Variants in USP24 observed in about 807,000 individuals in gnomAD.
USP24 encodes the protein ubiquitin carboxyl-terminal hydrolase 24.
Under a neutral mutation model 361.6 loss-of-function variants are expected in USP24, and 97 were observed. The observed-to-expected ratio is 0.27, with a 90% confidence interval of 0.23 to 0.32. USP24 has a LOEUF of 0.32. Among genes scored for constraint, USP24 ranks in the 10% least tolerant of loss-of-function variants. USP24 has a pLI of 1.00. For synonymous variants in USP24, 1,098 were observed against 1,124.6 expected (o/e 0.98, Z 0.47); for missense variants, 2,353 against 3,165.6 (o/e 0.74, Z 6.16).
Position 55,199,056 on chromosome 1 carries a change from G to A in USP24, c.324+15734C>T, listed in dbSNP as rs117243690. On this transcript the variant is annotated intron_variant, in intron 1 of 67. Transcript: ENST00000294383. ...TGTAATCCTGGCACTTTGAGAGGCC[G>A]AAGCGGGCAGATCACTTGAGGCCAG... Among the ~76,000 whole-genome samples the A allele has an allele frequency of 3.6e-3, 544 of 152,172 alleles. 21 individuals are homozygous for A. The East Asian group carries it at 0.09, about 25-fold the overall frequency.
intron 1 of USP24, among the ~76,000 whole-genome samples, chr1:55,184,689 A>G (rs1644077748): frequency 2.0e-5 from 3 of 152,214 alleles, no homozygotes; most frequent in Admixed American, 2.0e-4. Context: ...TAGGTTGTAA[A>G]ACAGGCCTCA....
rs1274107755 is a variant in USP24 at position 55,137,771 on chromosome 1, T to C, written c.3027+35A>G. ...CAGGCTAAATATTTATATTATATCATTTATTATTCATCAAAACTGCTTATT... is the reference window on the plus strand; with the variant it reads ...CAGGCTAAATATTTATATTATATCACTTATTATTCATCAAAACTGCTTATT... On this transcript the variant is annotated intron_variant, in intron 27 of 67. Coordinates refer to ENST00000294383, the MANE Select transcript of USP24 (RefSeq NM_015306.3). The C allele has an allele frequency of 2.6e-6, 4 of 1,546,236 alleles. No homozygotes were observed. In the East Asian group the frequency reaches 9.7e-5, roughly 38 times the overall value.
intron 1 of USP24, among the ~76,000 whole-genome samples, chr1:55,182,554 T>G (rs1644006540): frequency 6.6e-6 from 1 of 152,062 alleles, no homozygotes; most frequent in African/African-American, 2.4e-5. Flanking sequence ...AATCGTCAAA[T>G]GTACCTAGCA....
intron 51 of USP24, 102 bp downstream of exon 51, chr1:55,095,153 C>G: frequency 7.7e-7 from 1 of 1,296,244 alleles, no homozygotes; most frequent in South Asian, 2.1e-5. Flanking sequence ...GAATTTCTCT[C>G]CAGCTTAGCT....
At chr1:55,104,379 G>A (rs1322450619) in intron 41 of USP24, among the ~76,000 whole-genome samples, 2 of 152,072 alleles carry the variant, frequency 1.3e-5, no homozygotes, top group African/African-American at 4.8e-5. Context: ...TTTTATCGCT[G>A]TCATCCTAAG....
chr1:55,115,331 C>T (rs1646076799), intron 38 of USP24, among the ~76,000 whole-genome samples: 1 of 151,472 alleles, frequency 6.6e-6, no homozygotes, highest in African/African-American at 2.4e-5. Flanking sequence ...CCCGTCTCTA[C>T]TAAAAATACA....
At chr1:55,132,512 C>A in intron 31 of USP24, 33 bp downstream of exon 31, 1 of 1,589,418 alleles carries the variant, frequency 6.3e-7, no homozygotes, top group South Asian at 1.2e-5. Flanking sequence ...ATAGACCTGT[C>A]AAAATGAAAT....
rs372190893 is a variant in USP24 at position 55,186,652 on chromosome 1, T to C, written c.325-8520A>G. Among the ~76,000 whole-genome samples, 9 of 152,318 alleles carry C rather than the reference T, an allele frequency of 5.9e-5. No homozygotes were observed. In the South Asian group the frequency reaches 1.9e-3, roughly 32 times the overall value. On this transcript the variant is annotated intron_variant, in intron 1 of 67. Coordinates refer to ENST00000294383, the MANE Select transcript of USP24 (RefSeq NM_015306.3). ...CTTGAAGATATTATGCCAAGTGAAA[T>C]AAGCCAATCACAGAAAAACAAATAT...
Position 55,157,005 on chromosome 1 carries a change from A to C in USP24, c.1389T>G (p.Ile463Met), listed in dbSNP as rs1647740101. The C allele has an allele frequency of 1.2e-6, 2 of 1,613,130 alleles. No homozygotes were observed. The highest frequency in any genetic ancestry group is 2.7e-5 in the African/African-American group (2 of 74,908). The stretch of plus-strand genomic sequence containing the variant: ...ACGACAATTTACTACCCAAGAGTTC[A>C]ATAATTCCCTTTATACGGTCACAGT... ...AQYCDRIKGI[I>M]ELLGSKLSLD... Residue 463 changes from isoleucine (I) to methionine (M), a missense_variant, in exon 12 of 68, where the codon ATT becomes ATG. Physicochemically the swap from Ile to Met is conservative, Grantham distance 10. This residue lies in a region of USP24 where 386 missense variants were observed against 560.5 expected (regional missense o/e 0.69). Coordinates refer to ENST00000294383, the MANE Select transcript of USP24 (RefSeq NM_015306.3).
In USP24 at chr1:55,111,062, T is replaced by A. The variant is rs373093787; in HGVS notation, c.4509-816A>T. On this transcript the variant is annotated intron_variant, in intron 38 of 67. Transcript: ENST00000294383. The stretch of plus-strand genomic sequence containing the variant: ...CTGAGGATTAAAAGAAAAACATACA[T>A]AAGCAGTTTAGTATGCTGTGTGGTG... Among the ~76,000 whole-genome samples, 140 of 152,142 alleles carry A rather than the reference T, an allele frequency of 9.2e-4. 4 individuals are homozygous for A. In the South Asian group the frequency reaches 0.027, roughly 30 times the overall value.
intron 8 of USP24, 47 bp from the exon 9 acceptor site, chr1:55,159,732 A>G: frequency 2.0e-6 from 3 of 1,481,864 alleles, no homozygotes; most frequent in Non-Finnish European, 2.8e-6. Flanking sequence ...AGCTGTCCCA[A>G]AAGTAGAGAG....
In USP24 at chr1:55,121,448, T is replaced by G; in HGVS notation, c.4335A>C (p.Ser1445=). The G allele has an allele frequency of 6.2e-7, 1 of 1,613,530 alleles. No individual in the cohort carries two copies. The highest frequency in any genetic ancestry group is 2.2e-5 in the East Asian group (1 of 44,860). ...ADFIIDILLG[S]PSAEIRRVAC... The stretch of plus-strand genomic sequence containing the variant: ...GAAAAATCCTTACCTCAGCACTTGG[T>G]GATCCGAGCAGAATATCAATGATGA... The change falls in exon 37 of 68, where the codon TCA becomes TCC. Residue 1445 remains serine (S), a synonymous_variant. Transcript: ENST00000294383.
At chr1:55,088,097 A>G (rs1645293508) in intron 55 of USP24, among the ~76,000 whole-genome samples, 1 of 152,246 alleles carries the variant, frequency 6.6e-6, no homozygotes, top group South Asian at 2.1e-4. Flanking sequence ...TGAGAGCAAC[A>G]GGATTCCGCT....
intron 38 of USP24, among the ~76,000 whole-genome samples, chr1:55,117,023 G>A (rs1245523512): frequency 6.6e-6 from 1 of 152,190 alleles, no homozygotes; most frequent in East Asian, 1.9e-4. Flanking sequence ...TGGAATTCAA[G>A]TATGGTCCAT....
Position 55,138,989 on chromosome 1 carries a change from A to G in USP24, c.2772T>C (p.Ile924=), listed in dbSNP as rs781548035. ...GCTCTGCCAGAAGCAGCAATCTCTCAATTATTACAAGTTTAGTAGATCTAT... is the reference window on the plus strand; with the variant it reads ...GCTCTGCCAGAAGCAGCAATCTCTCGATTATTACAAGTTTAGTAGATCTAT... ...SPYRSTKLVI[I]ERLLLLAERY... Residue 924 remains isoleucine, a synonymous_variant, in exon 25 of 68, where the codon ATT becomes ATC. Transcript: ENST00000294383. The G allele has an allele frequency of 1.9e-6, 3 of 1,612,422 alleles. No individual in the cohort carries two copies. Among genetic ancestry groups the G allele is most frequent in the Non-Finnish European group, 2.5e-6 (3 of 1,179,164 alleles).
chr1:55,071,000 G>A (rs1644909572), intron 67 of USP24: 1 of 324,202 alleles, frequency 3.1e-6, no homozygotes, highest in African/African-American at 2.2e-5. Context: ...TAGGTGATGA[G>A]GTAATGTGTG....
At chr1:55,193,884 C>T (rs1053803753) in intron 1 of USP24, among the ~76,000 whole-genome samples, 1 of 152,076 alleles carries the variant, frequency 6.6e-6, no homozygotes, top group African/African-American at 2.4e-5. Flanking sequence ...TGCCTAACAC[C>T]AACAGTCATT....
intron 18 of USP24, among the ~76,000 whole-genome samples, chr1:55,147,264 T>G (rs1647053238): frequency 6.6e-6 from 1 of 152,186 alleles, no homozygotes; most frequent in Admixed American, 6.5e-5. Flanking sequence ...CTATTAGAAA[T>G]TCAGTTGATT....
At chr1:55,074,604 A>T (rs1286730192) in intron 63 of USP24, among the ~76,000 whole-genome samples, 6 of 151,974 alleles carry the variant, frequency 3.9e-5, no homozygotes, top group Non-Finnish European at 7.4e-5. Flanking sequence ...ACTGCACTCT[A>T]GACTGGAAGA....
Sources: gnomAD v4.1 joint callset for allele counts (sites outside exome capture counted in the v4.1 genomes callset) on GRCh38, gnomAD v4.1.1 for gene constraint, gnomAD v4.1.1 regional missense constraint, MANE v1.5 for transcripts, NCBI Gene and HGNC (gene_info 2026-07-23, HGNC 2026-07-21) for gene names.